DHRS12: variants seen among roughly 807,000 people sequenced by gnomAD.
The protein encoded by DHRS12 is dehydrogenase/reductase SDR family member 12.
DHRS12 carries 29 observed loss-of-function variants against 32.1 expected under a neutral mutation model. That is an observed-to-expected ratio of 0.90 (90% CI 0.67 to 1.23). DHRS12 has a LOEUF of 1.23. Among genes scored for constraint, DHRS12 ranks in the 50% most tolerant of loss-of-function variants. DHRS12 has a pLI of 0.00. For synonymous variants in DHRS12, 150 were observed against 135.9 expected (o/e 1.10, Z -0.72); for missense variants, 330 against 337.2 (o/e 0.98, Z 0.17).
At chr13:51,785,840 T>A (rs1954930324) in intron 4 of DHRS12, among the ~76,000 whole-genome samples, 1 of 152,234 alleles carries the variant, frequency 6.6e-6, no homozygotes, top group South Asian at 2.1e-4. Flanking sequence ...ACCACAATTT[T>A]GTTGTCCTTT....
chr13:51,763,289 A>G (rs1953647248), downstream of DHRS12: 1 of 152,150 alleles, frequency 6.6e-6, no homozygotes, highest in Non-Finnish European at 1.5e-5. Context: ...CATATATGAC[A>G]GTTTTTTTGG....
At chr13:51,802,192 CACACACACACACACACACACACACACG>C (rs1205339285) in intron 1 of DHRS12, among the ~76,000 whole-genome samples, 2 of 142,100 alleles carry the variant, frequency 1.4e-5, no homozygotes, top group African/African-American at 5.5e-5. Context: ...CACACACACA[CACACACACACACACACACACACACACG>C]ACTTTCCCAA....
At chr13:51,791,970 G>A (rs948435368) in intron 2 of DHRS12, among the ~76,000 whole-genome samples, 3 of 152,242 alleles carry the variant, frequency 2.0e-5, no homozygotes, top group Admixed American at 6.5e-5. Flanking sequence ...GTGTAGGTAT[G>A]TACCACATTT....
At chr13:51,781,181 G>T (rs1012491675) in intron 4 of DHRS12, among the ~76,000 whole-genome samples, 4 of 152,216 alleles carry the variant, frequency 2.6e-5, no homozygotes, top group African/African-American at 7.2e-5. Context: ...TGATTTCAAA[G>T]ATTACATTAC....
intron 2 of DHRS12, among the ~76,000 whole-genome samples, chr13:51,798,882 C>G (rs1412543489): frequency 6.6e-6 from 1 of 152,220 alleles, no homozygotes. Context: ...GACCCAGGAT[C>G]GTTGAGCTCA....
At chr13:51,780,848 G>T (rs1954672214) in intron 4 of DHRS12, among the ~76,000 whole-genome samples, 1 of 152,130 alleles carries the variant, frequency 6.6e-6, no homozygotes, top group Non-Finnish European at 1.5e-5. Context: ...TAGCATTAAA[G>T]GTAATTATTT....
intron 7 of DHRS12, chr13:51,771,081 G>A: frequency 6.9e-7 from 1 of 1,449,526 alleles, no homozygotes. Context: ...AGCCTCTCTG[G>A]GCCTCAGTTC....
chr13:51,792,257 ATTTTTTG>A (rs1407980380), intron 2 of DHRS12, among the ~76,000 whole-genome samples: 6 of 151,920 alleles, frequency 3.9e-5, no homozygotes, highest in Non-Finnish European at 8.8e-5. Flanking sequence ...CCTAACAAAC[ATTTTTTG>A]TTTTTTGTTT....
At chr13:51,795,600 T>C (rs1955479979) in intron 2 of DHRS12, among the ~76,000 whole-genome samples, 2 of 152,108 alleles carry the variant, frequency 1.3e-5, no homozygotes, top group African/African-American at 4.8e-5. Context: ...TCAACCAGGA[T>C]TGGTGAAGTA....
chr13:51,758,205 G>A, the DHRS12 span: 5 of 1,576,020 alleles, frequency 3.2e-6, no homozygotes, highest in South Asian at 3.4e-5. Context: ...TGCACCCACA[G>A]CCACCTTCCA....
At chr13:51,771,383 G>A (rs1334650677) in intron 7 of DHRS12, 1 of 1,614,076 alleles carries the variant, frequency 6.2e-7, no homozygotes, top group Non-Finnish European at 8.5e-7. Context: ...CATTCGAGCT[G>A]TGTCCTTGTG....
intron 4 of DHRS12, among the ~76,000 whole-genome samples, chr13:51,780,196 A>C (rs1039487111): frequency 6.6e-6 from 1 of 151,970 alleles, no homozygotes; most frequent in Non-Finnish European, 1.5e-5. Context: ...TAAATAAATA[A>C]ATAAATAAAT....
chr13:51,776,682 T>C (rs1479258474), intron 5 of DHRS12, among the ~76,000 whole-genome samples: 5 of 152,278 alleles, frequency 3.3e-5, no homozygotes, highest in African/African-American at 1.2e-4. Flanking sequence ...TTCAACCCGC[T>C]GGGGGAGAAC....
rs182734327 is a variant in DHRS12 at position 51,779,001 on chromosome 13, A to C, written c.302-1880T>G. Among the ~76,000 whole-genome samples, 334 of 152,246 alleles carry C rather than the reference A, an allele frequency of 2.2e-3. 3 individuals carry two copies. The highest frequency in any genetic ancestry group is 7.5e-3 in the African/African-American group (310 of 41,536). ...TATAGAATCCCAGAGAGGTTCAGTG[A>C]CTTATCCAAAGTCCCAGCAAGTTCA... On this transcript the variant is annotated intron_variant, in intron 4 of 8. Coordinates refer to ENST00000444610, the MANE Select transcript of DHRS12 (RefSeq NM_001377533.1).
At chr13:51,783,741 A>G (rs960097420) in intron 4 of DHRS12, among the ~76,000 whole-genome samples, 4 of 152,118 alleles carry the variant, frequency 2.6e-5, no homozygotes, top group African/African-American at 9.7e-5. Flanking sequence ...TGTCCTATAA[A>G]TGGAATCACA....
chr13:51,768,169 C>T lies in DHRS12; in HGVS notation c.*18G>A. The T allele has an allele frequency of 6.5e-7, 1 of 1,536,092 alleles. No individual in the cohort carries two copies. The highest frequency in any genetic ancestry group is 2.4e-5 in the East Asian group (1 of 40,920). On this transcript the variant is annotated 3_prime_UTR_variant, in exon 9 of 9. Transcript: ENST00000444610. ...ATCTTCTAAGGCAATTCTGGTACCG[C>T]ACTGTGTCTGGGTTGGCCTATTTAA...
chr13:51,802,218 C>T (rs1593578412), intron 1 of DHRS12, among the ~76,000 whole-genome samples: 1 of 99,684 alleles, frequency 1.0e-5, no homozygotes. Context: ...CACACACACA[C>T]GACTTTCCCA....
At chr13:51,768,567 C>A in intron 8 of DHRS12, 1 of 1,322,330 alleles carries the variant, frequency 7.6e-7, no homozygotes, top group Non-Finnish European at 9.7e-7. Flanking sequence ...GCCATCCTCC[C>A]GGATACCCCA....
chr13:51,787,671 ATATAT>A (rs1464797968), intron 4 of DHRS12, among the ~76,000 whole-genome samples: 5 of 143,020 alleles, frequency 3.5e-5, no homozygotes, highest in African/African-American at 7.7e-5. Flanking sequence ...ATATAAGTAT[ATATAT>A]TATATTAAAA....
Sources: allele counts gnomAD v4.1 joint callset (sites outside exome capture counted in the v4.1 genomes callset), GRCh38; gene constraint gnomAD v4.1.1; transcripts MANE v1.5; gene names NCBI Gene and HGNC (gene_info 2026-07-23, HGNC 2026-07-21).